Variants in PTPRD observed in about 807,000 individuals in gnomAD.
PTPRD encodes receptor-type tyrosine-protein phosphatase delta.
A neutral mutation model predicts 214.5 loss-of-function variants in PTPRD; 34 were observed. The ratio of observed to expected loss-of-function variants is 0.16; its 90% CI spans 0.12 to 0.21. The LOEUF is 0.21. Among genes scored for constraint, PTPRD ranks in the 10% least tolerant of loss-of-function variants. The pLI, the probability that PTPRD is intolerant of heterozygous loss-of-function variation, is 1.00. For synonymous variants in PTPRD, 1,128 were observed against 845.7 expected (o/e 1.33, Z -5.79); for missense variants, 2,545 against 2,398.7 (o/e 1.06, Z -1.27).
At chr9:8,618,473 C>A (rs2095686671) in intron 14 of PTPRD, among the ~76,000 whole-genome samples, 1 of 151,898 alleles carries the variant, frequency 6.6e-6, no homozygotes, top group African/African-American at 2.4e-5. Flanking sequence ...TCAAAGATTC[C>A]TGTGAATAAT....
At chr9:9,316,273 T>C (rs1211367756) in intron 9 of PTPRD, among the ~76,000 whole-genome samples, 2 of 152,020 alleles carry the variant, frequency 1.3e-5, no homozygotes, top group Non-Finnish European at 2.9e-5. Context: ...ATACTCACTG[T>C]TTCTACCACA....
At chr9:9,791,197 AT>A (rs1452258780) in intron 5 of PTPRD, among the ~76,000 whole-genome samples, 1 of 151,960 alleles carries the variant, frequency 6.6e-6, no homozygotes, top group Non-Finnish European at 1.5e-5. Flanking sequence ...GTTTTAAAAG[AT>A]TTTAGTTTAG....
intron 14 of PTPRD, among the ~76,000 whole-genome samples, chr9:8,575,408 A>G (rs1258200828): frequency 6.6e-6 from 1 of 152,154 alleles, no homozygotes; most frequent in Non-Finnish European, 1.5e-5. Context: ...AATGCATTAA[A>G]TAGCCCTGTA....
Position 9,096,729 on chromosome 9 carries a change from C to T in PTPRD, c.-142-77994G>A, listed in dbSNP as rs139712589. On this transcript the variant is annotated intron_variant, in intron 10 of 45. Coordinates refer to ENST00000381196, the MANE Select transcript of PTPRD (RefSeq NM_002839.4). ...CTAATTGCCTTTAGAACAGTAAACA[C>T]ATTTCAATTAAATTAGCAAAAAAGT... Among the ~76,000 whole-genome samples, 536 of 152,142 alleles carry T rather than the reference C, an allele frequency of 3.5e-3. 3 individuals carry two copies. The highest frequency in any genetic ancestry group is 0.012 in the African/African-American group (495 of 41,498).
intron 11 of PTPRD, among the ~76,000 whole-genome samples, chr9:8,789,372 G>T (rs1015568327): frequency 4.6e-5 from 7 of 152,162 alleles, no homozygotes; most frequent in African/African-American, 1.7e-4. Flanking sequence ...TCAGTAGTTG[G>T]ATACATGATA....
At chr9:9,760,585 T>A in intron 6 of PTPRD, among the ~76,000 whole-genome samples, 1 of 142,108 alleles carries the variant, frequency 7.0e-6, no homozygotes, top group East Asian at 2.2e-4. Flanking sequence ...CCCATCATCT[T>A]TACTCAGCTA....
chr9:8,472,148 G>A (rs771623640), intron 30 of PTPRD, among the ~76,000 whole-genome samples: 12 of 152,076 alleles, frequency 7.9e-5, no homozygotes, highest in East Asian at 1.9e-4. Flanking sequence ...GTAATGGGAC[G>A]CAAAGCTACA....
chr9:10,312,157 G>C (rs1489080563), intron 3 of PTPRD, among the ~76,000 whole-genome samples: 1 of 151,976 alleles, frequency 6.6e-6, no homozygotes, highest in African/African-American at 2.4e-5. Context: ...CATTTGATGA[G>C]AGAATCTTTG....
chr9:10,451,110 A>G (rs1295263032), intron 2 of PTPRD, among the ~76,000 whole-genome samples: 1 of 151,896 alleles, frequency 6.6e-6, no homozygotes, highest in South Asian at 2.1e-4. Flanking sequence ...AAAAGTATTT[A>G]AGTATACGTA....
chr9:9,701,135 G>C (rs755625835), intron 7 of PTPRD, among the ~76,000 whole-genome samples: 4 of 152,058 alleles, frequency 2.6e-5, no homozygotes, highest in Admixed American at 2.6e-4. Flanking sequence ...GGCATTGAGA[G>C]ATGTGTATAA....
chr9:10,209,457 G>A (rs2099504490), intron 3 of PTPRD, among the ~76,000 whole-genome samples: 1 of 152,082 alleles, frequency 6.6e-6, no homozygotes, highest in Admixed American at 6.6e-5. Flanking sequence ...GGCCATTAGG[G>A]AAGGGAAGTC....
chr9:9,283,493 C>A (rs1160517747), intron 9 of PTPRD, among the ~76,000 whole-genome samples: 2 of 151,048 alleles, frequency 1.3e-5, no homozygotes, highest in African/African-American at 4.9e-5. Context: ...TTTATATTTT[C>A]TTTTTTACAG....
intron 2 of PTPRD, among the ~76,000 whole-genome samples, chr9:10,454,889 A>T (rs76289357): frequency 0.012 from 1,826 of 151,836 alleles, 33 homozygotes; most frequent in African/African-American, 0.039. Context: ...GATGAAACAA[A>T]GTGATCAAAT....
intron 3 of PTPRD, among the ~76,000 whole-genome samples, chr9:10,190,842 T>C (rs1360039931): frequency 2.6e-5 from 4 of 151,928 alleles, no homozygotes; most frequent in Non-Finnish European, 4.4e-5. Context: ...AGTAGGCTGC[T>C]GAAGTAATAC....
At chr9:8,631,059 T>C (rs767607593) in intron 14 of PTPRD, among the ~76,000 whole-genome samples, 4 of 151,836 alleles carry the variant, frequency 2.6e-5, no homozygotes, top group Non-Finnish European at 4.4e-5. Context: ...TTAAAGCAGA[T>C]GAACAAATGA....
rs760429760 is a variant in PTPRD, at chr9:8,485,327, G to A, written c.3056-3C>T. On this transcript the variant is annotated splice_polypyrimidine_tract_variant and splice_region_variant and intron_variant, in intron 28 of 45. Coordinates refer to ENST00000381196, the MANE Select transcript of PTPRD (RefSeq NM_002839.4). ...GACATGAAAATTTTTTGCAAACACT[G>A]CTGGAAAAGGAAAAACAGTGTATTT... 1 of 1,609,820 alleles carries A rather than the reference G, an allele frequency of 6.2e-7. No homozygotes were observed. The highest frequency in any genetic ancestry group is 1.1e-5 in the South Asian group (1 of 90,936).
At chr9:10,213,002 C>A (rs2154342936) in intron 3 of PTPRD, among the ~76,000 whole-genome samples, 1 of 152,166 alleles carries the variant, frequency 6.6e-6, no homozygotes, top group East Asian at 1.9e-4. Context: ...CTAATAGTTA[C>A]CCTTGTATCA....
At position 10,511,914 on chromosome 9, in the gene PTPRD, ACG is replaced by A. The variant is rs1491302283; in HGVS notation, c.-600+100482_-600+100483del. On this transcript the variant is annotated intron_variant, in intron 2 of 45. Transcript: ENST00000381196. Reference sequence around the variant, plus strand: ...CACACATATATATACATATATATATACGTGTATATATATATACGTGTATATAT... The same window carrying A: ...CACACATATATATACATATATATATATGTATATATATATACGTGTATATAT... Among the ~76,000 whole-genome samples the A allele has an allele frequency of 4.1e-4, 47 of 115,040 alleles. 1 individual carries two copies. The highest frequency in any genetic ancestry group is 1.1e-3 in the African/African-American group (33 of 31,302). The allele number at this position is 115,040 out of a possible 152,430, so 75.5% of individuals were successfully genotyped here.
chr9:10,342,538 G>A (rs1218988398), intron 2 of PTPRD, among the ~76,000 whole-genome samples: 1 of 151,926 alleles, frequency 6.6e-6, no homozygotes, highest in Non-Finnish European at 1.5e-5. Flanking sequence ...AACACAACAG[G>A]ATCGATATTT....
Sources: gnomAD v4.1 joint callset for allele counts (sites outside exome capture counted in the v4.1 genomes callset) on GRCh38, gnomAD v4.1.1 for gene constraint, MANE v1.5 for transcripts, NCBI Gene and HGNC (gene_info 2026-07-23, HGNC 2026-07-21) for gene names.